Variants in RIMS1 observed in about 807,000 individuals in gnomAD.
RIMS1 encodes regulating synaptic membrane exocytosis protein 1.
A neutral mutation model predicts 214.1 loss-of-function variants in RIMS1; 83 were observed. That is an observed-to-expected ratio of 0.39 (90% CI 0.32 to 0.47). The LOEUF is 0.47. Ranked by LOEUF, RIMS1 falls within the 20% of genes least tolerant of loss-of-function variation. The pLI, the probability that RIMS1 is intolerant of heterozygous loss-of-function variation, is 0.99. For synonymous variants in RIMS1, 793 were observed against 786.8 expected (o/e 1.01, Z -0.13); for missense variants, 2,050 against 2,161.8 (o/e 0.95, Z 1.03).
intron 28 of RIMS1, among the ~76,000 whole-genome samples, chr6:72,324,077 TAGAG>T (rs1040617926): frequency 6.9e-6 from 1 of 145,322 alleles, no homozygotes; most frequent in Non-Finnish European, 1.5e-5. Context: ...GATAGATAGA[TAGAG>T]AACAAAGAGA....
chr6:72,262,605 A>G (rs904748262), intron 19 of RIMS1: 1 of 944,626 alleles, frequency 1.1e-6, no homozygotes, highest in Non-Finnish European at 1.3e-6. Flanking sequence ...ATGTATGTAT[A>G]TATAATCTCT....
At chr6:72,080,664 A>C (rs6934498) in intron 2 of RIMS1, among the ~76,000 whole-genome samples, 1 of 151,974 alleles carries the variant, frequency 6.6e-6, no homozygotes, top group African/African-American at 2.4e-5. Context: ...TGCTCAGTCC[A>C]TTCCTACCAC....
chr6:72,186,779 A>ACCCC lies in RIMS1; in HGVS notation c.1678+3636_1678+3639dup, dbSNP rs11382729. 2.7e-3 allele frequency among the ~76,000 whole-genome samples: 403 copies of ACCCC among 148,384 alleles called. 3 individuals carry two copies. Among genetic ancestry groups the ACCCC allele is most frequent in the African/African-American group, 9.8e-3 (394 of 40,208 alleles). ...ATGTCCGAACTGCATGTATATATGT[A>ACCCC]CCCCCCCCCATATATATGTGTCCGA... On this transcript the variant is annotated intron_variant, in intron 6 of 33. Transcript: ENST00000521978.
chr6:72,046,278 T>C (rs1303096163), intron 2 of RIMS1, among the ~76,000 whole-genome samples: 1 of 151,862 alleles, frequency 6.6e-6, no homozygotes, highest in Admixed American at 6.6e-5. Flanking sequence ...ATATCCATCA[T>C]TGTGTGTGTG....
intron 4 of RIMS1, among the ~76,000 whole-genome samples, chr6:72,176,455 A>G (rs914325767): frequency 6.6e-6 from 1 of 152,158 alleles, no homozygotes; most frequent in African/African-American, 2.4e-5. Context: ...TTGTAATCTT[A>G]TATATTTTTC....
chr6:71,922,065 C>G (rs1308789785), intron 1 of RIMS1, among the ~76,000 whole-genome samples: 1 of 152,182 alleles, frequency 6.6e-6, no homozygotes, highest in Non-Finnish European at 1.5e-5. Context: ...TTTCCCTGTT[C>G]TTATTTCCAC....
At chr6:72,193,647 T>G (rs2050410122) in intron 6 of RIMS1, among the ~76,000 whole-genome samples, 1 of 152,206 alleles carries the variant, frequency 6.6e-6, no homozygotes, top group African/African-American at 2.4e-5. Context: ...CACAAGTTAC[T>G]TAACTTCCAT....
intron 29 of RIMS1, among the ~76,000 whole-genome samples, chr6:72,387,346 A>T (rs914344993): frequency 6.6e-6 from 1 of 152,186 alleles, no homozygotes; most frequent in East Asian, 1.9e-4. Flanking sequence ...CTGGTGTTCT[A>T]TGCAGATTTT....
intron 1 of RIMS1, among the ~76,000 whole-genome samples, chr6:71,891,563 G>A (rs151244091): frequency 0.011 from 1,656 of 152,250 alleles, 33 homozygotes; most frequent in African/African-American, 0.037. Flanking sequence ...AGAGATCCCA[G>A]TTACCAACTG....
At chr6:72,265,075 CCA>C in intron 20 of RIMS1, 23 bp downstream of exon 20, 3 of 1,385,816 alleles carry the variant, frequency 2.2e-6, no homozygotes, top group Non-Finnish European at 3.0e-6. Flanking sequence ...ACAGTGAGTC[CCA>C]CCCAGTTATA....
intron 6 of RIMS1, among the ~76,000 whole-genome samples, chr6:72,212,332 T>G (rs142126348): frequency 9.9e-5 from 15 of 151,022 alleles, no homozygotes; most frequent in African/African-American, 3.6e-4. Flanking sequence ...ATATAATATA[T>G]AATATATTCA....
intron 1 of RIMS1, among the ~76,000 whole-genome samples, chr6:71,889,576 G>A (rs1358148858): frequency 6.6e-6 from 1 of 152,172 alleles, no homozygotes; most frequent in Non-Finnish European, 1.5e-5. Flanking sequence ...ACAGATTGGT[G>A]AGTGTTTTGG....
chr6:72,047,806 TTC>T (rs1823469844), intron 2 of RIMS1, among the ~76,000 whole-genome samples: 1 of 152,226 alleles, frequency 6.6e-6, no homozygotes, highest in African/African-American at 2.4e-5. Flanking sequence ...GTTAATTCTA[TTC>T]TCTTTGTGTG....
At chr6:71,937,161 C>T (rs776565163) in intron 1 of RIMS1, among the ~76,000 whole-genome samples, 1 of 152,262 alleles carries the variant, frequency 6.6e-6, no homozygotes, top group South Asian at 2.1e-4. Context: ...GTGTCTTAGT[C>T]CATTTTCTGC....
At chr6:71,992,842 G>A (rs1356235149) in intron 2 of RIMS1, among the ~76,000 whole-genome samples, 1 of 151,944 alleles carries the variant, frequency 6.6e-6, no homozygotes, top group Non-Finnish European at 1.5e-5. Context: ...TGTATCTTTT[G>A]TAGAGATGGG....
At chr6:71,915,434 G>A (rs983595480) in intron 1 of RIMS1, among the ~76,000 whole-genome samples, 3 of 152,108 alleles carry the variant, frequency 2.0e-5, no homozygotes, top group African/African-American at 7.2e-5. Flanking sequence ...CTCTGTGTAG[G>A]TGGTCCAAGC....
chr6:72,065,246 C>A (rs1828988154), intron 2 of RIMS1, among the ~76,000 whole-genome samples: 1 of 152,062 alleles, frequency 6.6e-6, no homozygotes, highest in South Asian at 2.1e-4. Flanking sequence ...AAATTCTTGT[C>A]AAGGCTCCTG....
chr6:72,067,411 C>A (rs1829592493), intron 2 of RIMS1, among the ~76,000 whole-genome samples: 1 of 152,212 alleles, frequency 6.6e-6, no homozygotes, highest in Non-Finnish European at 1.5e-5. Flanking sequence ...CTAGAATATT[C>A]TCCCTTAGAT....
At chr6:71,998,156 C>T (rs1804045020) in intron 2 of RIMS1, among the ~76,000 whole-genome samples, 1 of 152,100 alleles carries the variant, frequency 6.6e-6, no homozygotes. Context: ...TTTCTCAGCA[C>T]TTTATTATTT....
Sources: gnomAD v4.1 joint callset for allele counts (sites outside exome capture counted in the v4.1 genomes callset) on GRCh38, gnomAD v4.1.1 for gene constraint, MANE v1.5 for transcripts, NCBI Gene and HGNC (gene_info 2026-07-23, HGNC 2026-07-21) for gene names.